The following HVCN1 variants were observed in gnomAD, a reference collection of about 807,000 sequenced individuals.
HVCN1 encodes the protein hydrogen voltage gated channel 1.
Under a neutral mutation model 29.2 loss-of-function variants are expected in HVCN1, and 14 were observed. The ratio of observed to expected loss-of-function variants is 0.48; its 90% CI spans 0.32 to 0.75. The LOEUF (loss-of-function observed/expected upper bound fraction) is 0.75, where lower values mean the gene tolerates loss of function less well. HVCN1 is among the 30% of genes least tolerant of loss of function. The pLI is 0.04. For missense variants in HVCN1, 263 were observed against 341.8 expected (o/e 0.77, Z 1.82); for synonymous variants, 131 against 133.2 (o/e 0.98, Z 0.11).
At chr12:110,671,118 G>T (rs2068560447) in intron 3 of HVCN1, among the ~76,000 whole-genome samples, 1 of 152,180 alleles carries the variant, frequency 6.6e-6, no homozygotes, top group Admixed American at 6.6e-5. Flanking sequence ...CCTGAGGTCA[G>T]GAGTTCAAGA....
rs1024485487 is a variant in HVCN1 at position 110,658,485 on chromosome 12, G to A, written c.306+2679C>T. 6.6e-6 allele frequency among the ~76,000 whole-genome samples: 1 copy of A among 152,056 alleles called. No individual in the cohort carries two copies. ...TTGCCTGCTGGCAACACCCATACCC[G>A]ATCCACGTGCGCCCTTCTCAATTCC... On this transcript the variant is annotated intron_variant, in intron 4 of 7. Transcript: ENST00000242607. The surrounding 1 kb of genome is among the most constrained non-coding windows in gnomAD (Gnocchi z 5.0).
Position 110,669,980 on chromosome 12 carries a change from C to T in HVCN1, c.22-8532G>A, listed in dbSNP as rs540110378. On this transcript the variant is annotated intron_variant, in intron 3 of 7. Coordinates refer to ENST00000242607, the MANE Select transcript of HVCN1 (RefSeq NM_032369.4). ...CTGAGGCTGCAGTGAGCCAAGATTG[C>T]GCCCCTGCACTCCAGCCTGGGTGAC... Among the ~76,000 whole-genome samples, 245 of 152,144 alleles carry T rather than the reference C, an allele frequency of 1.6e-3. 2 individuals carry two copies. Among genetic ancestry groups the T allele is most frequent in the Non-Finnish European group, 2.9e-4 (20 of 67,996 alleles).
In HVCN1 at chr12:110,683,234, C is replaced by G. The variant is rs778792393; in HGVS notation, c.12G>C (p.Trp4Cys). The G allele has an allele frequency of 6.2e-7, 1 of 1,611,838 alleles. No homozygotes were observed. Among genetic ancestry groups the G allele is most frequent in the South Asian group, 1.1e-5 (1 of 90,418 alleles). The change falls in exon 3 of 8, where the codon TGG (tryptophan) becomes TGC (cysteine). Residue 4 changes from tryptophan to cysteine, a missense_variant. Around this residue, in one of 3 missense-constraint regions of HVCN1, gnomAD observed 157 missense variants for 181.3 expected, o/e 0.87. Coordinates refer to ENST00000242607, the MANE Select transcript of HVCN1 (RefSeq NM_032369.4). ...CCACAGAATCCATTACCTTTTCGTCCCAGGTGGCCATGTCCCTGTTGCCTC... is the reference window on the plus strand; with the variant it reads ...CCACAGAATCCATTACCTTTTCGTCGCAGGTGGCCATGTCCCTGTTGCCTC... MAT[W>C]DEKAVTRRAK...
At chr12:110,698,057 A>G (rs910563505) in intron 2 of HVCN1, among the ~76,000 whole-genome samples, 13 of 152,152 alleles carry the variant, frequency 8.5e-5, no homozygotes, top group Non-Finnish European at 7.4e-5. Flanking sequence ...CTGGCTCCCA[A>G]TACAGGATTC....
At chr12:110,694,502 GT>G (rs1217959922), upstream of HVCN1, among the ~76,000 whole-genome samples, 1 of 152,220 alleles carries the variant, frequency 6.6e-6, no homozygotes, top group African/African-American at 2.4e-5. The surrounding 1 kb of genome is among the most constrained non-coding windows in gnomAD (Gnocchi z 4.6). Context: ...GCCTCTGCTG[GT>G]TTTGGTTCCT....
intron 2 of HVCN1, among the ~76,000 whole-genome samples, chr12:110,695,608 C>A (rs1242320160): frequency 6.6e-6 from 1 of 152,122 alleles, no homozygotes; most frequent in East Asian, 1.9e-4. Context: ...GTGGAGATAA[C>A]AAAAGGTGGA....
At chr12:110,701,144 A>G (rs1036735959) in intron 2 of HVCN1, among the ~76,000 whole-genome samples, 3 of 145,722 alleles carry the variant, frequency 2.1e-5, no homozygotes, top group Non-Finnish European at 3.1e-5. Flanking sequence ...TACCCTGGAC[A>G]TGTTAGTTGT....
intron 3 of HVCN1, among the ~76,000 whole-genome samples, chr12:110,678,308 G>A (rs1384095972): frequency 6.6e-6 from 1 of 152,196 alleles, no homozygotes; most frequent in Non-Finnish European, 1.5e-5. Context: ...GGAGTTTGGA[G>A]CGGTGTTTCT....
intron 2 of HVCN1, among the ~76,000 whole-genome samples, chr12:110,699,314 T>G (rs973256334): frequency 9.9e-5 from 15 of 151,936 alleles, no homozygotes; most frequent in Non-Finnish European, 1.6e-4. Flanking sequence ...TGCCAAGGGG[T>G]GGGCCTGGAA....
In HVCN1 at chr12:110,649,547, T is replaced by C. The variant is rs1237231350; in HGVS notation, c.757-72A>G. 5 of 1,123,956 alleles carry C rather than the reference T, an allele frequency of 4.4e-6. No homozygotes were observed. In the African/African-American group the frequency reaches 4.6e-5, roughly 10 times the overall value. The allele number at this position is 1,123,956 out of a possible 1,614,324, so 69.6% of individuals were successfully genotyped here. On this transcript the variant is annotated intron_variant, in intron 7 of 7. Transcript: ENST00000242607. ...AGGGATGTGACAATCAATCATTCAG[T>C]GAGCCCCAGGCACAGGACCACAGAG...
chr12:110,670,758 T>C (rs2068548575), intron 3 of HVCN1, among the ~76,000 whole-genome samples: 1 of 152,126 alleles, frequency 6.6e-6, no homozygotes, highest in South Asian at 2.1e-4. Context: ...CACACCCCCC[T>C]AACAATTCCT....
upstream of HVCN1, among the ~76,000 whole-genome samples, chr12:110,691,585 C>G (rs184063786): frequency 7.2e-3 from 1,103 of 152,306 alleles, 15 homozygotes; most frequent in Non-Finnish European, 9.4e-3. Context: ...TCACTCCCCT[C>G]TGGTTGAGGA....
At chr12:110,700,385 T>C (rs765067390) in intron 2 of HVCN1, among the ~76,000 whole-genome samples, 9 of 152,080 alleles carry the variant, frequency 5.9e-5, no homozygotes, top group Non-Finnish European at 8.8e-5. Context: ...GAGGAGGCCT[T>C]TGGGGCAGTG....
chr12:110,652,623 G>A lies in HVCN1; in HGVS notation c.412-1175C>T, dbSNP rs189547168. Among the ~76,000 whole-genome samples, 411 of 152,302 alleles carry A rather than the reference G, an allele frequency of 2.7e-3. 5 individuals carry two copies. The highest frequency in any genetic ancestry group is 9.3e-3 in the African/African-American group (385 of 41,564). ...AATGACTAAGATTGATTGTAACACA[G>A]TGAATAAAAAAATTCACAGTGCGGC... On this transcript the variant is annotated intron_variant, in intron 5 of 7. Coordinates refer to ENST00000242607, the MANE Select transcript of HVCN1 (RefSeq NM_032369.4).
At chr12:110,652,381 C>T (rs942151188) in intron 5 of HVCN1, among the ~76,000 whole-genome samples, 1 of 149,902 alleles carries the variant, frequency 6.7e-6, no homozygotes, top group African/African-American at 2.4e-5. Context: ...ACAAGTGAGA[C>T]TGTCTCAAAA....
At chr12:110,651,806 A>C (rs2067822893) in intron 5 of HVCN1, among the ~76,000 whole-genome samples, 1 of 152,246 alleles carries the variant, frequency 6.6e-6, no homozygotes, top group Non-Finnish European at 1.5e-5. Flanking sequence ...CATTAGACAG[A>C]AATGTCCATT....
upstream of HVCN1, among the ~76,000 whole-genome samples, chr12:110,691,170 C>G (rs1329750834): frequency 6.6e-6 from 1 of 152,168 alleles, no homozygotes; most frequent in African/African-American, 2.4e-5. Flanking sequence ...TCATGCCATT[C>G]TCCTGCCCCA....
intron 4 of HVCN1, 31 bp from the exon 5 acceptor site, chr12:110,655,369 T>C (rs1411087105): frequency 6.5e-7 from 1 of 1,542,258 alleles, no homozygotes; most frequent in African/African-American, 1.4e-5. Context: ...CCAGAGATCA[T>C]GAGACCCCCA....
intron 3 of HVCN1, among the ~76,000 whole-genome samples, chr12:110,680,320 C>T (rs567451890): frequency 6.6e-6 from 1 of 152,106 alleles, no homozygotes; most frequent in East Asian, 1.9e-4. Flanking sequence ...CATTGCAATC[C>T]CTACTTCCCT....
Sources: allele counts gnomAD v4.1 joint callset (sites outside exome capture counted in the v4.1 genomes callset), GRCh38; gene constraint gnomAD v4.1.1; regional missense constraint gnomAD v4.1.1; non-coding constraint Gnocchi (gnomAD v3.1); transcripts MANE v1.5; gene names NCBI Gene and HGNC (gene_info 2026-07-23, HGNC 2026-07-21).